TENM3: variants seen among roughly 807,000 people sequenced by gnomAD.
The protein encoded by TENM3 is teneurin-3.
A neutral mutation model predicts 255.1 loss-of-function variants in TENM3; 63 were observed. That is an observed-to-expected ratio of 0.25 (90% CI 0.20 to 0.30). The LOEUF is 0.30. TENM3 is among the 10% of genes least tolerant of loss of function. The pLI, the probability that TENM3 is intolerant of heterozygous loss-of-function variation, is 1.00. For synonymous variants in TENM3, 1,306 were observed against 1,322.3 expected (o/e 0.99, Z 0.27); for missense variants, 2,929 against 3,461.1 (o/e 0.85, Z 3.86).
At chr4:181,902,922 G>A in the TENM3 span, among the ~76,000 whole-genome samples, 1 of 152,136 alleles carries the variant, frequency 6.6e-6, no homozygotes, top group African/African-American at 2.4e-5. Flanking sequence ...ACTGAAAGTA[G>A]CATTCGTTGT....
chr4:181,708,109 TG>T, the TENM3 span, among the ~76,000 whole-genome samples: 1 of 152,164 alleles, frequency 6.6e-6, no homozygotes, highest in Non-Finnish European at 1.5e-5. Context: ...TGAAAAACAG[TG>T]GGTCAATAAT....
At chr4:181,543,030 C>A in the TENM3 span, among the ~76,000 whole-genome samples, 3 of 152,160 alleles carry the variant, frequency 2.0e-5, no homozygotes, top group African/African-American at 7.2e-5. Context: ...TAACTCAAAT[C>A]CATTTGAGCA....
intron 1 of TENM3, among the ~76,000 whole-genome samples, chr4:182,258,715 A>G (rs1026802383): frequency 6.6e-5 from 10 of 152,216 alleles, no homozygotes; most frequent in Non-Finnish European, 1.2e-4. Context: ...GAGTTTTACA[A>G]CCATCTTACA....
chr4:182,531,391 T>C (rs1473759795), intron 3 of TENM3, among the ~76,000 whole-genome samples: 1 of 152,172 alleles, frequency 6.6e-6, no homozygotes, highest in Non-Finnish European at 1.5e-5. Context: ...CTGGATGTGC[T>C]ACAGATCTTG....
chr4:182,263,224 C>T (rs1046848501), intron 1 of TENM3, among the ~76,000 whole-genome samples: 1 of 151,906 alleles, frequency 6.6e-6, no homozygotes, highest in African/African-American at 2.4e-5. Context: ...GACCCCCGAC[C>T]CAAAGGAAAT....
At chr4:182,781,413 GATC>G (rs1212666194) in intron 24 of TENM3, among the ~76,000 whole-genome samples, 1 of 148,390 alleles carries the variant, frequency 6.7e-6, no homozygotes, top group African/African-American at 2.5e-5. Context: ...AAGCCCACTT[GATC>G]ATGGTGGATA....
the TENM3 span, among the ~76,000 whole-genome samples, chr4:182,082,848 G>A: frequency 6.6e-5 from 10 of 152,236 alleles, no homozygotes; most frequent in East Asian, 1.4e-3. Flanking sequence ...TACTCTGAAC[G>A]GCCTTTATTA....
chr4:182,080,024 GA>G, the TENM3 span: 22 of 152,184 alleles, frequency 1.4e-4, no homozygotes, highest in Admixed American at 1.3e-3. Context: ...CCCAGTTACA[GA>G]ATTGTTAGAT....
At chr4:181,563,155 C>T in the TENM3 span, among the ~76,000 whole-genome samples, 2 of 152,194 alleles carry the variant, frequency 1.3e-5, no homozygotes, top group African/African-American at 4.8e-5. Context: ...CATTGCCTCA[C>T]AGTTTTGGGG....
intron 1 of TENM3, among the ~76,000 whole-genome samples, chr4:182,316,721 T>C (rs1422116050): frequency 6.6e-6 from 1 of 152,208 alleles, no homozygotes; most frequent in African/African-American, 2.4e-5. Flanking sequence ...TGTCGATCAG[T>C]ACTCTGTGGA....
chr4:182,605,125 T>C (rs7681745), intron 4 of TENM3, among the ~76,000 whole-genome samples: 29,169 of 152,172 alleles, frequency 0.19, 3,181 homozygotes, highest in South Asian at 0.3. Flanking sequence ...GTAGCTTTCC[T>C]GCCCCAGAGG....
At position 182,581,316 on chromosome 4, in the gene TENM3, C is replaced by A. The variant is rs117916087; in HGVS notation, c.512-19608C>A. 1.6e-3 allele frequency among the ~76,000 whole-genome samples: 250 copies of A among 152,204 alleles called. 5 individuals are homozygous for A. In the East Asian group the frequency reaches 0.044, roughly 27 times the overall value. On this transcript the variant is annotated intron_variant, in intron 3 of 27. Transcript: ENST00000511685. ...TACCGGTTCTTTATAAACCAGAAGT[C>A]CATTGACTTTTAATAATGCTGTCTC...
intron 1 of TENM3, among the ~76,000 whole-genome samples, chr4:182,158,803 T>C (rs1750895948): frequency 6.6e-6 from 1 of 152,162 alleles, no homozygotes; most frequent in South Asian, 2.1e-4. Context: ...TAAAGTATAT[T>C]GGGATGTTTT....
chr4:181,597,232 G>GA, the TENM3 span, among the ~76,000 whole-genome samples: 3 of 151,932 alleles, frequency 2.0e-5, no homozygotes, highest in Non-Finnish European at 4.4e-5. Flanking sequence ...ATTTCTTTAG[G>GA]AAAAAATTAG....
chr4:181,945,900 C>T, the TENM3 span, among the ~76,000 whole-genome samples: 5 of 151,994 alleles, frequency 3.3e-5, no homozygotes, highest in African/African-American at 7.3e-5. Flanking sequence ...CACACACCCA[C>T]ACAGTCTGGA....
At chr4:182,488,821 A>G (rs978696875) in intron 3 of TENM3, among the ~76,000 whole-genome samples, 14 of 152,168 alleles carry the variant, frequency 9.2e-5, no homozygotes, top group African/African-American at 3.1e-4. Flanking sequence ...TGAAACCAGA[A>G]CGCATTAGTA....
rs1579562356 is a variant in TENM3 at position 182,162,879 on chromosome 4, T to G, written c.-76+18125T>G. ...GGCCTAATTCCCGTCGAAAGGCCCC[T>G]CTTCATACTGTTGCACTGGAGATTA... is the stretch of plus-strand genomic sequence containing the variant. On this transcript the variant is annotated intron_variant, in intron 1 of 2. Coordinates refer to the TENM3 transcript ENST00000512480. Among the ~76,000 whole-genome samples, 4 of 152,288 alleles carry G rather than the reference T, an allele frequency of 2.6e-5. 1 individual carries two copies. In the South Asian group the frequency reaches 8.3e-4, roughly 32 times the overall value.
At chr4:182,257,689 A>T (rs1281361132) in intron 1 of TENM3, among the ~76,000 whole-genome samples, 1 of 152,158 alleles carries the variant, frequency 6.6e-6, no homozygotes, top group East Asian at 1.9e-4. Context: ...GAGCCATGGG[A>T]TTACCTGGGG....
At chr4:181,627,538 AGTT>A in the TENM3 span, among the ~76,000 whole-genome samples, 2 of 151,914 alleles carry the variant, frequency 1.3e-5, no homozygotes, top group African/African-American at 4.8e-5. Flanking sequence ...TCCTGTGTCC[AGTT>A]GTTCTCATTA....
Sources: gnomAD v4.1 joint callset for allele counts (sites outside exome capture counted in the v4.1 genomes callset) on GRCh38, gnomAD v4.1.1 for gene constraint, MANE v1.5 for transcripts, NCBI Gene and HGNC (gene_info 2026-07-23, HGNC 2026-07-21) for gene names.